BMAL1: variants seen among roughly 807,000 people sequenced by gnomAD.
BMAL1 encodes the protein basic helix-loop-helix ARNT-like protein 1.
chr11:13,356,837 T>TA, the BMAL1 span: 1 of 1,613,178 alleles, frequency 6.2e-7, no homozygotes, highest in South Asian at 1.1e-5. Context: ...TTTGCACTGT[T>TA]ACACATTCTG....
the BMAL1 span, chr11:13,356,799 G>C: frequency 1.2e-6 from 2 of 1,614,064 alleles, no homozygotes; most frequent in Non-Finnish European, 1.7e-6. Flanking sequence ...CTAGTAATTT[G>C]AACTTCAGCA....
the BMAL1 span, among the ~76,000 whole-genome samples, chr11:13,346,975 T>C: frequency 1.3e-5 from 2 of 152,274 alleles, no homozygotes; most frequent in African/African-American, 2.4e-5. Flanking sequence ...TCTTATCTTT[T>C]GTTGTTTTAT....
the BMAL1 span, among the ~76,000 whole-genome samples, chr11:13,287,801 A>G: frequency 6.6e-6 from 1 of 152,246 alleles, no homozygotes; most frequent in African/African-American, 2.4e-5. Context: ...GCTGAGCCAC[A>G]TTAACTAAAA....
chr11:13,366,627 G>T, the BMAL1 span: 2 of 1,535,536 alleles, frequency 1.3e-6, no homozygotes, highest in Non-Finnish European at 1.8e-6. Flanking sequence ...TTTTCTGCAT[G>T]CAATTGACTT....
chr11:13,288,149 T>C, the BMAL1 span, among the ~76,000 whole-genome samples: 950 of 152,336 alleles, frequency 6.2e-3, 7 homozygotes, highest in African/African-American at 0.022. Context: ...TTTGCATTCA[T>C]GGACACAGAC....
chr11:13,330,808 A>G, the BMAL1 span, among the ~76,000 whole-genome samples: 1 of 152,256 alleles, frequency 6.6e-6, no homozygotes, highest in South Asian at 2.1e-4. Context: ...TTGCAATGGC[A>G]GTTCTGTGCC....
chr11:13,363,841 C>T, the BMAL1 span, among the ~76,000 whole-genome samples: 1,679 of 152,284 alleles, frequency 0.011, 36 homozygotes, highest in African/African-American at 0.039. Flanking sequence ...CTCACAGCTT[C>T]TGCTCCTTAG....
chr11:13,284,178 GTGTATATATATA>G, the BMAL1 span, among the ~76,000 whole-genome samples: 7 of 29,870 alleles, frequency 2.3e-4, 1 homozygote, highest in Non-Finnish European at 3.1e-4. Flanking sequence ...ATATATATAT[GTGTATATATATA>G]TATGTGTGTA....
the BMAL1 span, among the ~76,000 whole-genome samples, chr11:13,382,884 A>G: frequency 1.3e-5 from 2 of 152,134 alleles, no homozygotes; most frequent in East Asian, 3.9e-4. Flanking sequence ...ATCAACAACT[A>G]CCAGAAATCA....
At chr11:13,307,153 T>C in the BMAL1 span, among the ~76,000 whole-genome samples, 3 of 152,152 alleles carry the variant, frequency 2.0e-5, no homozygotes, top group East Asian at 3.9e-4. Context: ...AAAATGCATC[T>C]GGGGAAGATA....
chr11:13,379,304 A>C, the BMAL1 span: 1 of 152,198 alleles, frequency 6.6e-6, no homozygotes. Flanking sequence ...AACGAAACTT[A>C]ATGTAACATA....
At chr11:13,374,475 C>G in the BMAL1 span, among the ~76,000 whole-genome samples, 1 of 152,150 alleles carries the variant, frequency 6.6e-6, no homozygotes, top group Non-Finnish European at 1.5e-5. Flanking sequence ...TAGTATGGCC[C>G]AGACTGATCT....
chr11:13,373,160 C>T, the BMAL1 span, among the ~76,000 whole-genome samples: 4 of 152,186 alleles, frequency 2.6e-5, no homozygotes, highest in Admixed American at 2.0e-4. Context: ...TGTTGGACAG[C>T]GTTGATCTAA....
chr11:13,360,806 C>T, the BMAL1 span, among the ~76,000 whole-genome samples: 5 of 152,206 alleles, frequency 3.3e-5, no homozygotes, highest in African/African-American at 7.2e-5. Flanking sequence ...AAAAAGTCCA[C>T]CTAAATCTTT....
At chr11:13,301,140 T>C in the BMAL1 span, among the ~76,000 whole-genome samples, 1 of 152,226 alleles carries the variant, frequency 6.6e-6, no homozygotes, top group African/African-American at 2.4e-5. Flanking sequence ...TTTCACCATG[T>C]TGGCCAGGAT....
chr11:13,354,464 C>A, the BMAL1 span: 4 of 1,611,640 alleles, frequency 2.5e-6, no homozygotes, highest in Non-Finnish European at 3.4e-6. Flanking sequence ...GCCTTTGGGG[C>A]ATGTCTTCCT....
chr11:13,368,723 C>G, the BMAL1 span, among the ~76,000 whole-genome samples: 19 of 152,114 alleles, frequency 1.2e-4, no homozygotes, highest in Non-Finnish European at 2.5e-4. Context: ...GGGAGCTTTT[C>G]AACATAGTCA....
the BMAL1 span, chr11:13,372,137 C>T: frequency 6.2e-7 from 1 of 1,611,902 alleles, no homozygotes; most frequent in Non-Finnish European, 8.5e-7. Flanking sequence ...CTAGTGCTGA[C>T]ACTAACCACG....
chr11:13,304,204 G>A, the BMAL1 span, among the ~76,000 whole-genome samples: 4 of 152,202 alleles, frequency 2.6e-5, no homozygotes, highest in African/African-American at 9.7e-5. Context: ...GAGCAAGGGG[G>A]ATGCAGGGGA....
Sources: allele counts gnomAD v4.1 joint callset (sites outside exome capture counted in the v4.1 genomes callset), GRCh38; gene constraint gnomAD v4.1.1; transcripts MANE v1.5; gene names NCBI Gene and HGNC (gene_info 2026-07-23, HGNC 2026-07-21).